The following FNDC3B variants were observed in gnomAD, a reference collection of about 807,000 sequenced individuals.
The protein encoded by FNDC3B is fibronectin type III domain containing 3B, also known as fibronectin type III domain-containing protein 3B.
In FNDC3B, 12 loss-of-function variants were observed where a neutral mutation model predicts 151.5. The observed-to-expected ratio is 0.08, with a 90% CI of 0.05 to 0.13. The LOEUF is 0.13. FNDC3B is among the 10% of genes least tolerant of loss of function. The probability of loss-of-function intolerance (pLI) is 1.00; values close to 1 mark genes in which losing one functional copy is unlikely to be tolerated. For synonymous variants in FNDC3B, 528 were observed against 549.0 expected (o/e 0.96, Z 0.54); for missense variants, 1,214 against 1,505.3 (o/e 0.81, Z 3.20).
intron 2 of FNDC3B, among the ~76,000 whole-genome samples, chr3:172,124,723 T>C (rs1720724018): frequency 6.6e-6 from 1 of 152,232 alleles, no homozygotes; most frequent in South Asian, 2.1e-4. Flanking sequence ...CAACTTTTAC[T>C]TGAGTGGTTA....
intron 1 of FNDC3B, among the ~76,000 whole-genome samples, chr3:172,096,425 A>G (rs1372484618): frequency 6.6e-6 from 1 of 152,182 alleles, no homozygotes; most frequent in Non-Finnish European, 1.5e-5. Context: ...TTGTAGCCTA[A>G]TATCATATAA....
chr3:172,230,857 G>T (rs1182537192), intron 4 of FNDC3B, among the ~76,000 whole-genome samples: 3 of 152,226 alleles, frequency 2.0e-5, no homozygotes, highest in Non-Finnish European at 4.4e-5. Flanking sequence ...CACTGTATGT[G>T]TTAATGTAAA....
chr3:172,169,582 A>C (rs1415588446), intron 3 of FNDC3B, among the ~76,000 whole-genome samples: 1 of 152,128 alleles, frequency 6.6e-6, no homozygotes, highest in African/African-American at 2.4e-5. Context: ...GTAATTAAAA[A>C]CCACTCCATG....
chr3:172,213,599 A>C (rs6763764), intron 3 of FNDC3B, among the ~76,000 whole-genome samples: 135,105 of 152,208 alleles, frequency 0.89, 60,213 homozygotes, highest in African/African-American at 0.94. Flanking sequence ...ACTCTTGCTT[A>C]ACCAGTGATA....
At chr3:172,055,018 A>T (rs1331300930) in intron 1 of FNDC3B, among the ~76,000 whole-genome samples, 1 of 152,198 alleles carries the variant, frequency 6.6e-6, no homozygotes, top group Non-Finnish European at 1.5e-5. Context: ...ATATTTCTTT[A>T]AAATTGCTTG....
At chr3:172,176,430 C>G (rs1376185301) in intron 3 of FNDC3B, among the ~76,000 whole-genome samples, 3 of 152,182 alleles carry the variant, frequency 2.0e-5, no homozygotes, top group African/African-American at 7.2e-5. Context: ...TATCTCAGAT[C>G]ATTCTTTGGA....
chr3:172,362,598 C>T (rs1165659416), intron 22 of FNDC3B, 35 bp from the exon 23 acceptor site: 10 of 1,472,926 alleles, frequency 6.8e-6, no homozygotes, highest in Non-Finnish European at 8.6e-6. Context: ...CTGCTTTAAC[C>T]TGCATTGTCT....
chr3:172,239,578 G>T (rs1258192881), intron 4 of FNDC3B, among the ~76,000 whole-genome samples: 1 of 151,958 alleles, frequency 6.6e-6, no homozygotes, highest in East Asian at 1.9e-4. Flanking sequence ...CCCATTTCCT[G>T]GATCATCCTG....
chr3:172,106,779 GTCTT>G (rs1343768531), intron 1 of FNDC3B, among the ~76,000 whole-genome samples: 1 of 152,138 alleles, frequency 6.6e-6, no homozygotes, highest in Non-Finnish European at 1.5e-5. Context: ...TTTGGCCTGT[GTCTT>G]TCTTAGTATA....
rs188321729 is a variant in FNDC3B, at chr3:172,231,824, G to A, written c.264+4877G>A. Among the ~76,000 whole-genome samples, 41 of 150,748 alleles carry A rather than the reference G, an allele frequency of 2.7e-4. No individual in the cohort carries two copies. In the East Asian group the frequency reaches 6.2e-3, roughly 23 times the overall value. On this transcript the variant is annotated intron_variant, in intron 4 of 25. Transcript: ENST00000415807. ...GTGGGTGTGTGTTGTGCCTACTTAT[G>A]CATCTCCATTTCTAAAACACCAACT...
intron 9 of FNDC3B, among the ~76,000 whole-genome samples, chr3:172,300,648 T>C (rs1443796853): frequency 6.6e-6 from 1 of 152,076 alleles, no homozygotes; most frequent in Non-Finnish European, 1.5e-5. Context: ...GTCTAGACTT[T>C]CTCCTGACAC....
chr3:172,089,147 T>G (rs1270798116), intron 1 of FNDC3B, among the ~76,000 whole-genome samples: 1 of 152,174 alleles, frequency 6.6e-6, no homozygotes, highest in Non-Finnish European at 1.5e-5. Context: ...CAAAGTAAAA[T>G]TTAGTTCACA....
Position 172,094,061 on chromosome 3 carries a change from TCGGCA to T in FNDC3B, c.-28-18390_-28-18386del, listed in dbSNP as rs1393117256. 2.8e-5 allele frequency among the ~76,000 whole-genome samples: 4 copies of T among 145,202 alleles called. 1 individual carries two copies. The highest frequency in any genetic ancestry group is 2.0e-4 in the East Asian group (1 of 4,936). ...ACCACCACTAGCAAATTCTAGAACA[TCGGCA>T]TTGTGTAACCACCACCACTAGCAAA... On this transcript the variant is annotated intron_variant, in intron 1 of 25. Coordinates refer to ENST00000415807, the MANE Select transcript of FNDC3B (RefSeq NM_022763.4).
intron 6 of FNDC3B, among the ~76,000 whole-genome samples, chr3:172,267,966 T>C (rs1397456528): frequency 6.6e-6 from 1 of 152,238 alleles, no homozygotes; most frequent in Non-Finnish European, 1.5e-5. Context: ...CTGTGGACCC[T>C]GAGGTGTCAT....
At chr3:172,197,272 G>A (rs1034844690) in intron 3 of FNDC3B, among the ~76,000 whole-genome samples, 7 of 151,992 alleles carry the variant, frequency 4.6e-5, no homozygotes, top group Non-Finnish European at 7.4e-5. Context: ...TTACAAATAC[G>A]GTGCAAAATA....
At chr3:172,167,069 G>C (rs1455867803) in intron 3 of FNDC3B, among the ~76,000 whole-genome samples, 2 of 152,134 alleles carry the variant, frequency 1.3e-5, no homozygotes, top group African/African-American at 4.8e-5. Flanking sequence ...GGAAACCAGA[G>C]CTCTTAAATA....
At chr3:172,151,551 T>G (rs1413933452) in intron 3 of FNDC3B, among the ~76,000 whole-genome samples, 1 of 152,236 alleles carries the variant, frequency 6.6e-6, no homozygotes, top group Non-Finnish European at 1.5e-5. Flanking sequence ...TTCACTTGCA[T>G]AATAACTAAT....
rs907379888 is a variant in FNDC3B at position 172,313,898 on chromosome 3, A to G, written c.1254+3017A>G. Reference sequence around the variant, plus strand: ...TCTGGCAGTCTGTGTTTCTAAATTTAGAGCTAAGTTGAGGATCAGTAGCAC... The same window carrying G: ...TCTGGCAGTCTGTGTTTCTAAATTTGGAGCTAAGTTGAGGATCAGTAGCAC... On this transcript the variant is annotated intron_variant, in intron 11 of 25. Coordinates refer to ENST00000415807, the MANE Select transcript of FNDC3B (RefSeq NM_022763.4). Among the ~76,000 whole-genome samples the G allele has an allele frequency of 7.2e-5, 11 of 152,300 alleles. No individual in the cohort carries two copies. The South Asian group carries it at 2.3e-3, about 32-fold the overall frequency.
At chr3:172,162,632 A>G (rs540808239) in intron 3 of FNDC3B, among the ~76,000 whole-genome samples, 1 of 147,632 alleles carries the variant, frequency 6.8e-6, no homozygotes, top group South Asian at 2.2e-4. Flanking sequence ...ATTTCTTCAC[A>G]TTCTTGTCAA....
Sources: gnomAD v4.1 joint callset for allele counts (sites outside exome capture counted in the v4.1 genomes callset) on GRCh38, gnomAD v4.1.1 for gene constraint, MANE v1.5 for transcripts, NCBI Gene and HGNC (gene_info 2026-07-23, HGNC 2026-07-21) for gene names.